RAB11FIP4: variants seen among roughly 807,000 people sequenced by gnomAD.
RAB11FIP4 encodes the protein RAB11 family interacting protein 4, also known as rab11 family-interacting protein 4.
Under a neutral mutation model 74.3 loss-of-function variants are expected in RAB11FIP4, and 23 were observed. The ratio of observed to expected loss-of-function variants is 0.31; its 90% CI spans 0.22 to 0.44. RAB11FIP4 has a LOEUF of 0.44. RAB11FIP4 is among the 20% of genes least tolerant of loss of function. RAB11FIP4 has a pLI of 1.00. For missense variants in RAB11FIP4, 630 were observed against 863.9 expected, an observed-to-expected ratio of 0.73 and a Z score of 3.39; for synonymous variants, 360 against 359.9, an observed-to-expected ratio of 1.00 and a Z score of 0.00.
At chr17:31,432,094 C>T (rs1157742873) in intron 2 of RAB11FIP4, among the ~76,000 whole-genome samples, 194 bp downstream of exon 2, 1 of 152,178 alleles carries the variant, frequency 6.6e-6, no homozygotes, top group Admixed American at 6.5e-5. Context: ...CCGTGGGGGG[C>T]TGTGGTCTCA....
intron 3 of RAB11FIP4, among the ~76,000 whole-genome samples, chr17:31,491,833 G>C (rs2142754063): frequency 6.6e-6 from 1 of 152,328 alleles, no homozygotes; most frequent in African/African-American, 2.4e-5. Flanking sequence ...TTTGGGCATT[G>C]AGGCATTTCT....
chr17:31,431,072 C>T (rs2071305317), intron 1 of RAB11FIP4, among the ~76,000 whole-genome samples: 1 of 151,966 alleles, frequency 6.6e-6, no homozygotes, highest in African/African-American at 2.4e-5. Flanking sequence ...TGCAGGAACC[C>T]CCAAAGATGA....
chr17:31,404,723 C>T (rs996386348), intron 1 of RAB11FIP4, among the ~76,000 whole-genome samples: 1 of 151,936 alleles, frequency 6.6e-6, no homozygotes, highest in Non-Finnish European at 1.5e-5. Context: ...TCCTTCCCTG[C>T]GGTGGGGGCG....
intron 3 of RAB11FIP4, among the ~76,000 whole-genome samples, chr17:31,449,507 G>C (rs1005481144): frequency 1.3e-5 from 2 of 152,156 alleles, no homozygotes; most frequent in Middle Eastern, 3.4e-3. Flanking sequence ...ATGATGTCTT[G>C]GCCCCTCTGT....
intron 1 of RAB11FIP4, among the ~76,000 whole-genome samples, chr17:31,417,187 C>T (rs764465437): frequency 9.2e-5 from 14 of 152,118 alleles, no homozygotes; most frequent in East Asian, 1.9e-4. Flanking sequence ...ACGATGCCTC[C>T]GGTACCCCAG....
chr17:31,504,601 A>G (rs1358362251), intron 3 of RAB11FIP4, among the ~76,000 whole-genome samples: 1 of 152,184 alleles, frequency 6.6e-6, no homozygotes, highest in African/African-American at 2.4e-5. Context: ...TTCTTTTCAA[A>G]TGAGCCATTT....
chr17:31,447,059 C>T (rs551423743), intron 3 of RAB11FIP4, among the ~76,000 whole-genome samples: 117 of 152,166 alleles, frequency 7.7e-4, no homozygotes, highest in African/African-American at 2.4e-3. Context: ...CCAAGGCGGG[C>T]GGATCACGAG....
chr17:31,505,538 T>C (rs1272138593), intron 3 of RAB11FIP4, among the ~76,000 whole-genome samples: 6 of 64,144 alleles, frequency 9.4e-5, no homozygotes, highest in African/African-American at 3.6e-4. Context: ...ATATAATTAT[T>C]ATATATTATA....
chr17:31,396,956 C>G (rs989083757), intron 1 of RAB11FIP4, among the ~76,000 whole-genome samples: 13 of 152,082 alleles, frequency 8.5e-5, no homozygotes, highest in African/African-American at 3.1e-4. Context: ...CTAATGCCTG[C>G]TATGGGGGAA....
At chr17:31,513,301 C>T (rs963052874) in intron 3 of RAB11FIP4, among the ~76,000 whole-genome samples, 11 of 152,330 alleles carry the variant, frequency 7.2e-5, no homozygotes, top group African/African-American at 2.6e-4. Flanking sequence ...TCCTTTTCCT[C>T]TGCAACTTTA....
intron 3 of RAB11FIP4, among the ~76,000 whole-genome samples, chr17:31,495,955 CCTTT>C (rs2072108654): frequency 1.3e-5 from 2 of 152,128 alleles, no homozygotes; most frequent in South Asian, 4.1e-4. Flanking sequence ...TTTTTCCTTT[CCTTT>C]TTTTCCATTT....
chr17:31,481,458 A>C (rs898805598), intron 3 of RAB11FIP4, among the ~76,000 whole-genome samples: 3 of 152,180 alleles, frequency 2.0e-5, no homozygotes, highest in African/African-American at 7.2e-5. Context: ...ATAGCCAATC[A>C]GAGACATGGG....
At chr17:31,399,250 C>T (rs929475211) in intron 1 of RAB11FIP4, among the ~76,000 whole-genome samples, 1 of 152,120 alleles carries the variant, frequency 6.6e-6, no homozygotes, top group African/African-American at 2.4e-5. Context: ...CCAACCTGGG[C>T]GGGATGGAGG....
intron 1 of RAB11FIP4, among the ~76,000 whole-genome samples, chr17:31,417,656 G>A (rs745999116): frequency 7.2e-5 from 11 of 152,240 alleles, no homozygotes; most frequent in Non-Finnish European, 1.6e-4. Flanking sequence ...AGGTGGGGCT[G>A]CGGTGGGGAA....
chr17:31,404,160 G>C (rs947731249), intron 1 of RAB11FIP4, among the ~76,000 whole-genome samples: 1 of 152,208 alleles, frequency 6.6e-6, no homozygotes, highest in Non-Finnish European at 1.5e-5. Context: ...GGCTGTGTGG[G>C]GCTGAGTCTT....
chr17:31,491,158 G>A (rs1357100184), intron 3 of RAB11FIP4, among the ~76,000 whole-genome samples: 2 of 152,214 alleles, frequency 1.3e-5, no homozygotes, highest in African/African-American at 4.8e-5. Context: ...ACTGGATGTC[G>A]TACGATCTTT....
intron 3 of RAB11FIP4, among the ~76,000 whole-genome samples, chr17:31,441,477 G>T (rs2071406608): frequency 6.6e-6 from 1 of 151,706 alleles, no homozygotes; most frequent in Admixed American, 6.6e-5. Flanking sequence ...TTTCATTTTT[G>T]GTGTTAATCT....
intron 3 of RAB11FIP4, among the ~76,000 whole-genome samples, chr17:31,489,993 C>G (rs1488167592): frequency 6.6e-6 from 1 of 152,148 alleles, no homozygotes; most frequent in African/African-American, 2.4e-5. Flanking sequence ...GAGAGACTGC[C>G]TGGAGCCTGC....
intron 1 of RAB11FIP4, among the ~76,000 whole-genome samples, chr17:31,425,422 A>C (rs915814534): frequency 6.6e-6 from 1 of 152,212 alleles, no homozygotes; most frequent in African/African-American, 2.4e-5. Flanking sequence ...GGCTTGCTTG[A>C]GTCCATCTGG....
Sources: allele counts gnomAD v4.1 joint callset (sites outside exome capture counted in the v4.1 genomes callset), GRCh38; gene constraint gnomAD v4.1.1; transcripts MANE v1.5; gene names NCBI Gene and HGNC (gene_info 2026-07-23, HGNC 2026-07-21).